RGPD1: variants seen among roughly 807,000 people sequenced by gnomAD.
The protein encoded by RGPD1 is RANBP2 like and GRIP domain containing 1, also known as RANBP2-like and GRIP domain-containing protein 1.
RGPD1 carries 7 observed loss-of-function variants against 40.6 expected under a neutral mutation model. The ratio of observed to expected loss-of-function variants is 0.17; its 90% confidence interval spans 0.10 to 0.32. The LOEUF (loss-of-function observed/expected upper bound fraction) is 0.32, where lower values mean the gene tolerates loss of function less well. Among genes scored for constraint, RGPD1 ranks in the 10% least tolerant of loss-of-function variants. The pLI, the probability that RGPD1 is intolerant of heterozygous loss-of-function variation, is 1.00. For synonymous variants in RGPD1, 24 were observed against 167.0 expected, an observed-to-expected ratio of 0.14 and a Z score of 6.60; for missense variants, 50 against 472.5, an observed-to-expected ratio of 0.11 and a Z score of 8.29.
In RGPD1 at chr2:86,943,061, G is replaced by C. The variant is rs549552048; in HGVS notation, c.72+753G>C. On this transcript the variant is annotated intron_variant, in intron 1 of 22. Transcript: ENST00000641458. Reference sequence around the variant, plus strand: ...TACTTTATATGCTGCGGCGGAGGTCGTACCTCCTTGGCCTGGAGGAACCCA... The same window carrying C: ...TACTTTATATGCTGCGGCGGAGGTCCTACCTCCTTGGCCTGGAGGAACCCA... Among the ~76,000 whole-genome samples the C allele has an allele frequency of 8.7e-3, 1,312 of 151,184 alleles. 15 individuals are homozygous for C. Among genetic ancestry groups the C allele is most frequent in the African/African-American group, 0.03 (1,255 of 41,270 alleles).
intron 1 of RGPD1, chr2:86,930,819 C>T: frequency 1.2e-6 from 1 of 856,976 alleles, no homozygotes; most frequent in Non-Finnish European, 1.8e-6. Context: ...GCCCCTGCCA[C>T]CTCTGCTGCC....
chr2:86,942,257 C>T lies in RGPD1; in HGVS notation c.21C>T (p.Tyr7=), dbSNP rs566002048. The T allele has an allele frequency of 4.4e-5, 70 of 1,607,010 alleles. No individual in the cohort carries two copies. The highest frequency in any genetic ancestry group is 2.4e-4 in the African/African-American group (18 of 74,728). The change falls in exon 1 of 23, where the codon TAC becomes TAT. Residue 7 remains tyrosine, a synonymous_variant. Transcript: ENST00000641458. ...GTGCGATGAGGCGCAGCAAGGCCTA[C>T]GGGGAGCGGTACGTCGCCTCGGTGC... MRRSKA[Y]GERYVASVQG...
chr2:86,925,759 T>G (rs1314893860), intron 1 of RGPD1, among the ~76,000 whole-genome samples: 1 of 151,930 alleles, frequency 6.6e-6, no homozygotes, highest in Non-Finnish European at 1.5e-5. Flanking sequence ...TTTAAAGAAA[T>G]AGAGTCTCGC....
chr2:86,924,679 C>T (rs1678335862), intron 1 of RGPD1, among the ~76,000 whole-genome samples: 1 of 151,508 alleles, frequency 6.6e-6, no homozygotes, highest in Non-Finnish European at 1.5e-5. Context: ...AATATGTTGC[C>T]CAGGCTGGTC....
intron 1 of RGPD1, among the ~76,000 whole-genome samples, chr2:86,924,500 T>TC (rs1232984509): frequency 3.0e-4 from 45 of 150,764 alleles, no homozygotes; most frequent in African/African-American, 8.5e-4. Flanking sequence ...GGGGTGTCAC[T>TC]TTTTGCCTAC....
chr2:86,937,296 A>G (rs1377971503), upstream of RGPD1, among the ~76,000 whole-genome samples: 1 of 150,088 alleles, frequency 6.7e-6, no homozygotes, highest in African/African-American at 2.5e-5. Flanking sequence ...ATTGATGACC[A>G]AAGATTTCCT....
intron 1 of RGPD1, among the ~76,000 whole-genome samples, chr2:86,942,761 C>T (rs982142298): frequency 1.3e-5 from 2 of 151,408 alleles, no homozygotes; most frequent in African/African-American, 4.8e-5. Context: ...GGCGCTGCTC[C>T]CTGGCGCGCT....
chr2:86,939,471 C>T (rs1403247148), upstream of RGPD1, among the ~76,000 whole-genome samples: 4 of 147,700 alleles, frequency 2.7e-5, no homozygotes, highest in African/African-American at 1.0e-4. Context: ...CCCAGCTACT[C>T]GGGAGGCTGA....
chr2:86,943,737 G>A lies in RGPD1; in HGVS notation c.72+1429G>A, dbSNP rs555169726. 5.9e-5 allele frequency among the ~76,000 whole-genome samples: 9 copies of A among 152,308 alleles called. No homozygotes were observed. In the East Asian group the frequency reaches 1.7e-3, roughly 29 times the overall value. ...GATGTTAAAAGGATATTGGCGGGGC[G>A]CAGTGGCTCACGCCTGTAATCCCAC... On this transcript the variant is annotated intron_variant, in intron 1 of 22. Transcript: ENST00000641458.
At chr2:87,009,156 T>C (rs1169382536) in intron 22 of RGPD1, among the ~76,000 whole-genome samples, 51 of 47,106 alleles carry the variant, frequency 1.1e-3, no homozygotes, top group Non-Finnish European at 1.1e-3. Context: ...ATACAAAAAA[T>C]TAGCGGGGCG....
chr2:86,924,705 C>T (rs1678337799), intron 1 of RGPD1, among the ~76,000 whole-genome samples: 1 of 151,830 alleles, frequency 6.6e-6, no homozygotes, highest in Non-Finnish European at 1.5e-5. Flanking sequence ...CTCCTGGGCT[C>T]AAGCAGTCCT....
chr2:86,939,521 A>G (rs1219441951), upstream of RGPD1, among the ~76,000 whole-genome samples: 3 of 144,856 alleles, frequency 2.1e-5, no homozygotes, highest in Admixed American at 6.9e-5. Flanking sequence ...AGAGGTTGCA[A>G]TGAGCCGAGA....
Position 87,000,114 on chromosome 2 carries a change from AAAG to A in RGPD1, c.5236+2362_5236+2364del, listed in dbSNP as rs928966494. On this transcript the variant is annotated intron_variant, in intron 22 of 22. Transcript: ENST00000641458. ...GTAAACCTAATTTTATAGTTATAAAAAAGAAGAAATCTACTTCTAGTCACCTAA... is the reference window on the plus strand; with the variant it reads ...GTAAACCTAATTTTATAGTTATAAAAAAGAAATCTACTTCTAGTCACCTAA... 7.0e-5 allele frequency among the ~76,000 whole-genome samples: 8 copies of A among 114,808 alleles called. 1 individual carries two copies. The highest frequency in any genetic ancestry group is 1.0e-4 in the Non-Finnish European group (6 of 59,962). 75.3% of individuals were successfully genotyped at this position (114,808 alleles called of 152,430 possible).
intron 1 of RGPD1, chr2:86,934,816 A>T (rs962791049): frequency 5.5e-5 from 8 of 145,718 alleles, no homozygotes; most frequent in African/African-American, 2.0e-4. Flanking sequence ...TACTTTGGGA[A>T]CGACATCTTG....
At chr2:86,934,171 CTA>C (rs1162649808) in intron 1 of RGPD1, among the ~76,000 whole-genome samples, 1 of 127,808 alleles carries the variant, frequency 7.8e-6, no homozygotes, top group East Asian at 2.3e-4. Context: ...ACCAGCCTGG[CTA>C]ACATGGTGAA....
At chr2:86,955,977 T>C (rs1680701831) in intron 4 of RGPD1, among the ~76,000 whole-genome samples, 1 of 151,218 alleles carries the variant, frequency 6.6e-6, no homozygotes, top group South Asian at 2.1e-4. Context: ...AAAGATTTTC[T>C]TTAATAACTT....
intron 6 of RGPD1, among the ~76,000 whole-genome samples, chr2:86,960,110 T>C (rs1443678303): frequency 1.1e-5 from 1 of 90,420 alleles, no homozygotes; most frequent in Non-Finnish European, 2.1e-5. Flanking sequence ...GGAGGGGAGA[T>C]GACCATGGGG....
At position 86,943,430 on chromosome 2, in the gene RGPD1, G is replaced by C. The variant is rs186224957; in HGVS notation, c.72+1122G>C. On this transcript the variant is annotated intron_variant, in intron 1 of 22. Transcript: ENST00000641458. Reference sequence around the variant, plus strand: ...TTTCCTCTTTACAGGTAAATAATGTGATCTATTTTGGATTCAATAAGACTT... The same window carrying C: ...TTTCCTCTTTACAGGTAAATAATGTCATCTATTTTGGATTCAATAAGACTT... Among the ~76,000 whole-genome samples, 920 of 152,084 alleles carry C rather than the reference G, an allele frequency of 6.0e-3. 1 individual carries two copies. The highest frequency in any genetic ancestry group is 0.011 in the Non-Finnish European group (737 of 67,994).
At chr2:86,931,955 C>G (rs1417490470) in intron 1 of RGPD1, among the ~76,000 whole-genome samples, 2 of 147,998 alleles carry the variant, frequency 1.4e-5, no homozygotes, top group Non-Finnish European at 3.0e-5. Flanking sequence ...GTATTATATT[C>G]ATTATATATA....
Sources: allele counts gnomAD v4.1 joint callset (sites outside exome capture counted in the v4.1 genomes callset), GRCh38; gene constraint gnomAD v4.1.1; transcripts MANE v1.5; gene names NCBI Gene and HGNC (gene_info 2026-07-23, HGNC 2026-07-21).